Variants in CA10 observed in about 807,000 individuals in gnomAD.
The protein encoded by CA10 is carbonic anhydrase 10 (inactive).
In CA10, 14 loss-of-function variants were observed where a neutral mutation model predicts 44.2. The observed-to-expected ratio is 0.32, with a 90% confidence interval of 0.21 to 0.50. CA10 has a LOEUF of 0.50. CA10 is among the 20% of genes least tolerant of loss of function. The pLI is 0.99. For missense variants in CA10, 350 were observed against 409.7 expected, an observed-to-expected ratio of 0.85 and a Z score of 1.26; for synonymous variants, 159 against 141.6, an observed-to-expected ratio of 1.12 and a Z score of -0.87.
chr17:52,038,825 T>A (rs1260213912), intron 2 of CA10, among the ~76,000 whole-genome samples: 1 of 152,202 alleles, frequency 6.6e-6, no homozygotes, highest in Non-Finnish European at 1.5e-5. Flanking sequence ...CTTTCCTTTT[T>A]GCCTTAATCA....
At chr17:52,023,697 C>CAAA (rs59000757) in intron 2 of CA10, among the ~76,000 whole-genome samples, 7 of 147,584 alleles carry the variant, frequency 4.7e-5, no homozygotes, top group Non-Finnish European at 7.5e-5. Context: ...TACAGAATGG[C>CAAA]AAAAAAAAAA....
At chr17:52,066,863 A>G (rs1255083949) in intron 2 of CA10, among the ~76,000 whole-genome samples, 1 of 152,230 alleles carries the variant, frequency 6.6e-6, no homozygotes, top group African/African-American at 2.4e-5. Flanking sequence ...GGTATCTGGC[A>G]GAAGAAATTT....
At chr17:51,882,704 T>G (rs1368844432) in intron 3 of CA10, among the ~76,000 whole-genome samples, 1 of 152,138 alleles carries the variant, frequency 6.6e-6, no homozygotes, top group Non-Finnish European at 1.5e-5. Flanking sequence ...AGCTCTCTTG[T>G]TCCTACACAA....
intron 1 of CA10, among the ~76,000 whole-genome samples, chr17:52,146,751 GA>G: frequency 6.6e-6 from 1 of 151,526 alleles, no homozygotes; most frequent in Non-Finnish European, 1.5e-5. Flanking sequence ...GACCAGAAAG[GA>G]TGCCCACAGC....
chr17:51,958,559 G>T (rs1009151176), intron 2 of CA10, among the ~76,000 whole-genome samples: 16 of 152,240 alleles, frequency 1.1e-4, no homozygotes, highest in African/African-American at 3.8e-4. Context: ...GAATATAAAA[G>T]TGTATTATTT....
intron 4 of CA10, among the ~76,000 whole-genome samples, chr17:51,665,953 A>G (rs1026124942): frequency 1.3e-5 from 2 of 152,252 alleles, no homozygotes; most frequent in African/African-American, 4.8e-5. Flanking sequence ...TCAACAGAGG[A>G]GAAGGCTAGG....
At chr17:51,645,193 T>G (rs1913273336) in intron 6 of CA10, among the ~76,000 whole-genome samples, 1 of 152,228 alleles carries the variant, frequency 6.6e-6, no homozygotes, top group South Asian at 2.1e-4. Flanking sequence ...TCTCATTATT[T>G]GGGTTGCTGC....
intron 1 of CA10, among the ~76,000 whole-genome samples, chr17:52,142,684 A>T (rs1989508100): frequency 6.6e-6 from 1 of 152,064 alleles, no homozygotes; most frequent in African/African-American, 2.4e-5. Flanking sequence ...CAAGCCTACA[A>T]CCCCTGCAGG....
At chr17:52,046,989 A>C (rs1239097842) in intron 2 of CA10, among the ~76,000 whole-genome samples, 1 of 152,012 alleles carries the variant, frequency 6.6e-6, no homozygotes, top group Non-Finnish European at 1.5e-5. Flanking sequence ...AATCAAGAGA[A>C]ATGAAAACAT....
At chr17:51,704,614 C>T (rs528866935) in intron 4 of CA10, among the ~76,000 whole-genome samples, 1 of 152,300 alleles carries the variant, frequency 6.6e-6, no homozygotes, top group African/African-American at 2.4e-5. Context: ...CTCCTCTGTC[C>T]ACCTTGCCCA....
Position 51,738,930 on chromosome 17 carries a change from C to T in CA10, c.465+8703G>A, listed in dbSNP as rs988776253. On this transcript the variant is annotated intron_variant, in intron 4 of 8. Transcript: ENST00000451037. ...TAATTCTGCCGCTAAATCTCTGTGACCTTGGGCAGGTCTCTTGCCCTTTCT... is the reference window on the plus strand; with the variant it reads ...TAATTCTGCCGCTAAATCTCTGTGATCTTGGGCAGGTCTCTTGCCCTTTCT... Among the ~76,000 whole-genome samples the T allele has an allele frequency of 4.6e-5, 7 of 152,158 alleles. No homozygotes were observed. The South Asian group carries it at 1.5e-3, about 32-fold the overall frequency.
At chr17:51,958,866 G>A (rs1180958992) in intron 2 of CA10, among the ~76,000 whole-genome samples, 1 of 152,048 alleles carries the variant, frequency 6.6e-6, no homozygotes, top group Non-Finnish European at 1.5e-5. Context: ...CTGTGATTAA[G>A]CATATACCAT....
intron 3 of CA10, among the ~76,000 whole-genome samples, chr17:51,810,091 G>A (rs751853779): frequency 2.6e-5 from 4 of 152,132 alleles, no homozygotes; most frequent in South Asian, 2.1e-4. Context: ...AGAAAGACCC[G>A]GTCTGTAGTA....
chr17:51,658,101 A>AGTCTT (rs111551117), intron 4 of CA10, among the ~76,000 whole-genome samples: 2,840 of 152,322 alleles, frequency 0.019, 65 homozygotes, highest in African/African-American at 0.048. Flanking sequence ...GAATACTACC[A>AGTCTT]GTCTTGTCAT....
At chr17:51,923,395 C>A (rs1422032969) in intron 3 of CA10, among the ~76,000 whole-genome samples, 4 of 152,182 alleles carry the variant, frequency 2.6e-5, no homozygotes, top group African/African-American at 9.7e-5. Context: ...ACAAACCCAA[C>A]TTCTCACTCT....
chr17:51,796,227 T>C (rs1353666768), intron 3 of CA10, among the ~76,000 whole-genome samples: 4 of 152,180 alleles, frequency 2.6e-5, no homozygotes, highest in Middle Eastern at 3.4e-3. Flanking sequence ...GTTCTTTTTT[T>C]TTAGAGGCGA....
intron 3 of CA10, among the ~76,000 whole-genome samples, chr17:51,900,056 A>T (rs1196410651): frequency 6.6e-6 from 1 of 151,920 alleles, no homozygotes; most frequent in African/African-American, 2.4e-5. Context: ...ATATGTGTAG[A>T]TTTAATCCTG....
intron 3 of CA10, among the ~76,000 whole-genome samples, chr17:51,849,241 A>ACATATATG (rs1978673789): frequency 8.0e-6 from 1 of 124,980 alleles, no homozygotes; most frequent in Non-Finnish European, 1.7e-5. Flanking sequence ...GTGTATATAT[A>ACATATATG]TATATATATA....
At position 51,631,587 on chromosome 17, in the gene CA10, C is replaced by T; in HGVS notation, c.984G>A (p.Lys328=). 4 of 1,612,750 alleles carry T rather than the reference C, an allele frequency of 2.5e-6. No homozygotes were observed. The highest frequency in any genetic ancestry group is 3.4e-6 in the Non-Finnish European group (4 of 1,179,096). The stretch of plus-strand genomic sequence containing the variant: ...GGATTCTTCTTGGCTTTGTTCCCTA[C>T]TTGAGGAGCCATTCATTTACTGCAA... ...LQYRVNEWLL[K] Residue 328 remains lysine, a synonymous_variant, in exon 9 of 9, where the codon AAG becomes AAA. Coordinates refer to ENST00000451037, the MANE Select transcript of CA10 (RefSeq NM_020178.5).
Sources: gnomAD v4.1 joint callset for allele counts (sites outside exome capture counted in the v4.1 genomes callset) on GRCh38, gnomAD v4.1.1 for gene constraint, MANE v1.5 for transcripts, NCBI Gene and HGNC (gene_info 2026-07-23, HGNC 2026-07-21) for gene names.